The following SNX29 variants were observed in gnomAD, a reference collection of about 807,000 sequenced individuals.
SNX29 encodes the protein sorting nexin 29, also known as sorting nexin-29.
A neutral mutation model predicts 102.1 loss-of-function variants in SNX29; 78 were observed. The observed-to-expected ratio is 0.76, with a 90% CI of 0.64 to 0.92. The LOEUF (loss-of-function observed/expected upper bound fraction) is 0.92, where lower values mean the gene tolerates loss of function less well. Ranked by LOEUF, SNX29 falls within the 40% of genes least tolerant of loss-of-function variation. SNX29 has a pLI of 0.00. For missense variants in SNX29, 1,280 were observed against 1,061.7 expected, an observed-to-expected ratio of 1.21 and a Z score of -2.86; for synonymous variants, 580 against 414.5, an observed-to-expected ratio of 1.40 and a Z score of -4.85.
intron 20 of SNX29, among the ~76,000 whole-genome samples, chr16:12,527,649 G>A (rs1254958338): frequency 6.6e-6 from 1 of 152,138 alleles, no homozygotes; most frequent in Non-Finnish European, 1.5e-5. Context: ...GGGCGAACTG[G>A]CTGGTCCCGG....
At chr16:12,540,255 C>T (rs569976481) in intron 20 of SNX29, among the ~76,000 whole-genome samples, 9 of 152,232 alleles carry the variant, frequency 5.9e-5, no homozygotes, top group Non-Finnish European at 7.4e-5. Flanking sequence ...CCACCCCCAG[C>T]GTAAGGTCAA....
chr16:12,351,353 G>A (rs910401528), intron 15 of SNX29, among the ~76,000 whole-genome samples: 5 of 151,682 alleles, frequency 3.3e-5, no homozygotes, highest in Non-Finnish European at 4.4e-5. Context: ...CGGGTTGTGA[G>A]TTTTATAAAA....
At chr16:12,146,336 G>C (rs1213887560) in intron 13 of SNX29, among the ~76,000 whole-genome samples, 1 of 151,816 alleles carries the variant, frequency 6.6e-6, no homozygotes, top group East Asian at 1.9e-4. Context: ...CACAATCTCA[G>C]CTCACTGCAA....
intron 9 of SNX29, among the ~76,000 whole-genome samples, chr16:12,067,978 A>T (rs1348131243): frequency 6.7e-6 from 1 of 149,716 alleles, no homozygotes; most frequent in East Asian, 2.0e-4. Flanking sequence ...TGCCTTTCCT[A>T]AATGCACTTA....
intron 1 of SNX29, among the ~76,000 whole-genome samples, chr16:11,993,365 C>T (rs772466681): frequency 3.0e-4 from 46 of 152,066 alleles, no homozygotes; most frequent in Non-Finnish European, 5.9e-4. Flanking sequence ...ACCCTTTCAT[C>T]TCCCAGGGCA....
intron 14 of SNX29, among the ~76,000 whole-genome samples, chr16:12,217,801 G>C (rs2077365000): frequency 6.6e-6 from 1 of 152,224 alleles, no homozygotes; most frequent in South Asian, 2.1e-4. Flanking sequence ...TTGGCTTCAT[G>C]CTCATGTCAT....
At position 12,572,433 on chromosome 16, in the gene SNX29, C is replaced by A. The variant is rs1332122866; in HGVS notation, c.*3804C>A. The A allele has an allele frequency of 2.8e-6, 3 of 1,063,360 alleles. No individual in the cohort carries two copies. Among genetic ancestry groups the A allele is most frequent in the South Asian group, 9.1e-5 (2 of 21,972 alleles). The allele number at this position is 1,063,360 out of a possible 1,614,324, so 65.9% of individuals were successfully genotyped here. ...CTGTGGCCCAGGCCGGCAGTGGCTG[C>A]CTCTCTTGGTTCTGCATGGTACATT... On this transcript the variant is annotated 3_prime_UTR_variant, in exon 21 of 21. Transcript: ENST00000566228.
At chr16:12,483,131 T>G (rs1427492710) in intron 19 of SNX29, among the ~76,000 whole-genome samples, 3 of 134,828 alleles carry the variant, frequency 2.2e-5, no homozygotes, top group Non-Finnish European at 1.6e-5. Flanking sequence ...TTTTTTTTTT[T>G]TTTTTTTTTT....
chr16:12,510,550 G>A (rs575422447), intron 19 of SNX29, among the ~76,000 whole-genome samples: 40 of 152,216 alleles, frequency 2.6e-4, no homozygotes, highest in Non-Finnish European at 4.9e-4. Flanking sequence ...GCACCGGCCT[G>A]TAGTCCCAGC....
chr16:12,109,645 A>G (rs1295712465), intron 11 of SNX29, among the ~76,000 whole-genome samples: 1 of 152,158 alleles, frequency 6.6e-6, no homozygotes, highest in Non-Finnish European at 1.5e-5. Context: ...AAGGAGGGAC[A>G]TGGTGAGTAG....
At chr16:12,465,878 T>C (rs145368804) in intron 18 of SNX29, among the ~76,000 whole-genome samples, 6 of 152,292 alleles carry the variant, frequency 3.9e-5, no homozygotes, top group Non-Finnish European at 8.8e-5. Context: ...TCTGATACTT[T>C]TAAGCATATA....
intron 14 of SNX29, among the ~76,000 whole-genome samples, chr16:12,235,243 T>C (rs897915011): frequency 6.6e-6 from 1 of 152,160 alleles, no homozygotes; most frequent in African/African-American, 2.4e-5. Context: ...AGAGAAGAAA[T>C]GCACAAACTA....
chr16:12,516,837 C>A (rs1408847283), intron 19 of SNX29, among the ~76,000 whole-genome samples: 1 of 152,164 alleles, frequency 6.6e-6, no homozygotes, highest in Non-Finnish European at 1.5e-5. Flanking sequence ...AGAAACAAAC[C>A]AGGAAACAAA....
intron 14 of SNX29, among the ~76,000 whole-genome samples, chr16:12,221,907 C>T (rs376125968): frequency 1.3e-5 from 2 of 152,220 alleles, no homozygotes; most frequent in Non-Finnish European, 2.9e-5. Context: ...TTCCAGGGCA[C>T]TGTCACTGAC....
At chr16:12,387,405 T>C (rs1281003821) in intron 16 of SNX29, among the ~76,000 whole-genome samples, 1 of 152,156 alleles carries the variant, frequency 6.6e-6, no homozygotes, top group Non-Finnish European at 1.5e-5. Context: ...AGGAGAATCG[T>C]TGGCGTCTCA....
chr16:12,567,676 C>T (rs1447136485), intron 20 of SNX29, among the ~76,000 whole-genome samples: 5 of 152,168 alleles, frequency 3.3e-5, no homozygotes, highest in Admixed American at 2.6e-4. Context: ...GTGAGAGGAT[C>T]ACTTGAGCCC....
Position 12,403,418 on chromosome 16 carries a change from T to C in SNX29, c.1956-30T>C, listed in dbSNP as rs748607785. ...TTTTTTTGTAAGTTAAAATGTCTAA[T>C]GTTGGTCTCTCTCTCTTCCTTTTGG... is the stretch of plus-strand genomic sequence containing the variant. On this transcript the variant is annotated intron_variant, in intron 17 of 20. Coordinates refer to ENST00000566228, the MANE Select transcript of SNX29 (RefSeq NM_032167.5). The C allele has an allele frequency of 2.0e-5, 32 of 1,569,604 alleles. No individual in the cohort carries two copies. In the South Asian group the frequency reaches 2.4e-4, roughly 12 times the overall value.
At chr16:12,526,255 C>T (rs932083439) in intron 20 of SNX29, among the ~76,000 whole-genome samples, 5 of 152,134 alleles carry the variant, frequency 3.3e-5, no homozygotes, top group Non-Finnish European at 7.3e-5. Context: ...TGCATTTCTG[C>T]TCCCCTCTGT....
intron 13 of SNX29, among the ~76,000 whole-genome samples, chr16:12,154,630 C>T (rs780456761): frequency 1.2e-4 from 19 of 152,312 alleles, no homozygotes; most frequent in Non-Finnish European, 1.8e-4. Context: ...TTAGTCCATC[C>T]GGGCTACTAT....
Sources: allele counts gnomAD v4.1 joint callset (sites outside exome capture counted in the v4.1 genomes callset), GRCh38; gene constraint gnomAD v4.1.1; transcripts MANE v1.5; gene names NCBI Gene and HGNC (gene_info 2026-07-23, HGNC 2026-07-21).